Variants in POFUT3 observed in about 807,000 individuals in gnomAD.
The protein encoded by POFUT3 is GDP-fucose protein O-fucosyltransferase 3.
the POFUT3 span, among the ~76,000 whole-genome samples, chr8:33,331,726 A>G: frequency 2.0e-5 from 3 of 151,990 alleles, no homozygotes; most frequent in Non-Finnish European, 4.4e-5. Flanking sequence ...CCCAGGCTGG[A>G]GTGCAGTGGC....
At chr8:33,466,578 G>C in the POFUT3 span, among the ~76,000 whole-genome samples, 1 of 152,112 alleles carries the variant, frequency 6.6e-6, no homozygotes, top group African/African-American at 2.4e-5. Flanking sequence ...TTGTGACTTA[G>C]AGCATACAAC....
chr8:33,356,993 G>A, the POFUT3 span, among the ~76,000 whole-genome samples: 2 of 152,040 alleles, frequency 1.3e-5, no homozygotes, highest in African/African-American at 4.8e-5. Context: ...GATATGCAGT[G>A]TTATTTCTGA....
At chr8:33,376,344 C>T in the POFUT3 span, among the ~76,000 whole-genome samples, 1 of 152,040 alleles carries the variant, frequency 6.6e-6, no homozygotes, top group Non-Finnish European at 1.5e-5. Flanking sequence ...AATGTGGGTG[C>T]TACTTATGAT....
the POFUT3 span, among the ~76,000 whole-genome samples, chr8:33,412,929 GC>G: frequency 6.6e-6 from 1 of 152,154 alleles, no homozygotes; most frequent in Non-Finnish European, 1.5e-5. Context: ...CACCTGGACT[GC>G]TTTGCCATCT....
the POFUT3 span, among the ~76,000 whole-genome samples, chr8:33,377,313 AAAAC>A: frequency 6.6e-6 from 1 of 152,346 alleles, no homozygotes; most frequent in Non-Finnish European, 1.5e-5. Flanking sequence ...ATCTTTTGTC[AAAAC>A]AAACAAAAGA....
the POFUT3 span, among the ~76,000 whole-genome samples, chr8:33,323,537 T>C: frequency 6.6e-6 from 1 of 152,204 alleles, no homozygotes; most frequent in Non-Finnish European, 1.5e-5. Context: ...CCTGATATAT[T>C]GCACAGCACA....
chr8:33,447,040 A>C, the POFUT3 span, among the ~76,000 whole-genome samples: 1 of 152,206 alleles, frequency 6.6e-6, no homozygotes, highest in Non-Finnish European at 1.5e-5. Context: ...ATTTCATTAC[A>C]AGCCTCTGGG....
At chr8:33,343,371 C>G in the POFUT3 span, among the ~76,000 whole-genome samples, 2 of 152,098 alleles carry the variant, frequency 1.3e-5, no homozygotes, top group Non-Finnish European at 2.9e-5. Context: ...CCTTGGGATT[C>G]TAAAATTAGC....
At chr8:33,469,803 C>CTTTTTTTTT in the POFUT3 span, among the ~76,000 whole-genome samples, 19 of 108,766 alleles carry the variant, frequency 1.7e-4, 1 homozygote, top group South Asian at 3.2e-4. Context: ...TTTACTTTTT[C>CTTTTTTTTT]TTTTTTTTTT....
chr8:33,347,068 GC>G, the POFUT3 span, among the ~76,000 whole-genome samples: 1 of 152,072 alleles, frequency 6.6e-6, no homozygotes, highest in Non-Finnish European at 1.5e-5. Flanking sequence ...TAGCAATACA[GC>G]CTATGCTTCA....
the POFUT3 span, among the ~76,000 whole-genome samples, chr8:33,377,858 C>T: frequency 6.6e-6 from 1 of 152,220 alleles, no homozygotes; most frequent in Admixed American, 6.5e-5. Flanking sequence ...TTCATAACTT[C>T]TTGAGCCCAT....
chr8:33,456,714 A>T, the POFUT3 span, among the ~76,000 whole-genome samples: 5 of 152,094 alleles, frequency 3.3e-5, no homozygotes, highest in Non-Finnish European at 7.3e-5. Context: ...CCCAGTTTTT[A>T]AAAGTCCATG....
chr8:33,438,436 A>G, the POFUT3 span, among the ~76,000 whole-genome samples: 67 of 152,290 alleles, frequency 4.4e-4, no homozygotes, highest in African/African-American at 1.5e-3. Flanking sequence ...AAAATTAGCC[A>G]GGTGCGGTGG....
At chr8:33,345,335 T>C in the POFUT3 span, among the ~76,000 whole-genome samples, 29 of 152,032 alleles carry the variant, frequency 1.9e-4, no homozygotes, top group South Asian at 5.2e-3. Context: ...AAAACACAGG[T>C]CTGCCATCAA....
At chr8:33,364,946 T>C in the POFUT3 span, among the ~76,000 whole-genome samples, 1 of 152,188 alleles carries the variant, frequency 6.6e-6, no homozygotes, top group Admixed American at 6.5e-5. Flanking sequence ...GAGCCCACAT[T>C]GCCAAGACAA....
At chr8:33,313,580 C>G in the POFUT3 span, among the ~76,000 whole-genome samples, 2 of 151,712 alleles carry the variant, frequency 1.3e-5, no homozygotes, top group Non-Finnish European at 2.9e-5. Flanking sequence ...ATGGAACCAT[C>G]ATCAGCACAG....
the POFUT3 span, among the ~76,000 whole-genome samples, chr8:33,426,269 C>G: frequency 6.6e-6 from 1 of 152,114 alleles, no homozygotes; most frequent in Admixed American, 6.5e-5. Context: ...GAAGTATTAC[C>G]TATCTCTGTG....
At chr8:33,333,992 G>GA in the POFUT3 span, among the ~76,000 whole-genome samples, 1 of 151,932 alleles carries the variant, frequency 6.6e-6, no homozygotes, top group African/African-American at 2.4e-5. Context: ...AAAAGAAAAA[G>GA]AAAAAAATAG....
chr8:33,315,208 C>A, the POFUT3 span, among the ~76,000 whole-genome samples: 1 of 152,236 alleles, frequency 6.6e-6, no homozygotes, highest in African/African-American at 2.4e-5. Flanking sequence ...CTGAATCACT[C>A]AAAATGAATT....
Sources: gnomAD v4.1 joint callset for allele counts (sites outside exome capture counted in the v4.1 genomes callset) on GRCh38, gnomAD v4.1.1 for gene constraint, MANE v1.5 for transcripts, NCBI Gene and HGNC (gene_info 2026-07-23, HGNC 2026-07-21) for gene names.